ANK3: variants seen among roughly 807,000 people sequenced by gnomAD.
ANK3 encodes the protein ankyrin 3.
In ANK3, 57 loss-of-function variants were observed where a neutral mutation model predicts 370.9. The ratio of observed to expected loss-of-function variants is 0.15; its 90% CI spans 0.12 to 0.19. ANK3 has a LOEUF of 0.19. ANK3 is among the 10% of genes least tolerant of loss of function. The pLI, the probability that ANK3 is intolerant of heterozygous loss-of-function variation, is 1.00. For missense variants in ANK3, 4,439 were observed against 5,302.1 expected (o/e 0.84, Z 5.06); for synonymous variants, 1,929 against 1,946.3 (o/e 0.99, Z 0.23).
chr10:60,302,428 T>G, intron 1 of ANK3, among the ~76,000 whole-genome samples: 1 of 152,318 alleles, frequency 6.6e-6, no homozygotes, highest in East Asian at 1.9e-4. Context: ...CAGCTATTCA[T>G]TATTATAATA....
At chr10:60,538,919 A>AT (rs2076784986) in intron 2 of ANK3, among the ~76,000 whole-genome samples, 1 of 151,790 alleles carries the variant, frequency 6.6e-6, no homozygotes, top group African/African-American at 2.4e-5. Flanking sequence ...ATGCATTTCC[A>AT]TTTTTTTGTT....
At chr10:60,452,498 A>G (rs189474041) in intron 2 of ANK3, among the ~76,000 whole-genome samples, 1 of 152,324 alleles carries the variant, frequency 6.6e-6, no homozygotes, top group African/African-American at 2.4e-5. Flanking sequence ...ACTAAAGAGG[A>G]ACCTTAGAGA....
intron 1 of ANK3, among the ~76,000 whole-genome samples, chr10:60,312,710 A>T (rs1044691340): frequency 2.6e-5 from 4 of 152,166 alleles, no homozygotes; most frequent in African/African-American, 7.2e-5. Flanking sequence ...TATTAGGGTT[A>T]AAAAAAGCTA....
intron 2 of ANK3, among the ~76,000 whole-genome samples, chr10:60,483,984 A>G (rs139629128): frequency 4.6e-5 from 7 of 152,334 alleles, no homozygotes; most frequent in Non-Finnish European, 8.8e-5. Flanking sequence ...CAAAGTTAAG[A>G]TAAGGAGCCT....
At chr10:60,122,429 C>T (rs1421166567) in intron 25 of ANK3, among the ~76,000 whole-genome samples, 2 of 152,238 alleles carry the variant, frequency 1.3e-5, no homozygotes, top group East Asian at 1.9e-4. Flanking sequence ...AGCAGGCCCA[C>T]GTGGCTCAGA....
At chr10:60,191,156 C>T (rs1417497062) in intron 16 of ANK3, among the ~76,000 whole-genome samples, 1 of 152,106 alleles carries the variant, frequency 6.6e-6, no homozygotes, top group Admixed American at 6.5e-5. Context: ...AAGAAAAACT[C>T]TTTTGGGCAT....
chr10:60,469,227 A>G (rs374299234), intron 2 of ANK3, among the ~76,000 whole-genome samples: 1 of 46,986 alleles, frequency 2.1e-5, no homozygotes, highest in African/African-American at 8.8e-5. Flanking sequence ...TAGTGCATAT[A>G]TATATATATA....
Position 60,068,739 on chromosome 10 carries a change from A to C in ANK3, c.12142T>G (p.Ser4048Ala), listed in dbSNP as rs756773808. 1 of 1,614,094 alleles carries C rather than the reference A, an allele frequency of 6.2e-7. No individual in the cohort carries two copies. The highest frequency in any genetic ancestry group is 1.1e-5 in the South Asian group (1 of 91,074). The part of the protein sequence containing the change: ...LSETSRGGQP[S>A]VTTKSARDKK... ...TCTCTAGCAGACTTCGTTGTAACCG[A>C]AGGCTGGCCACCCCGGGAAGTCTCG... Residue 4048 changes from serine to alanine, a missense_variant, in exon 37 of 44, where the codon TCG (serine) becomes GCG (alanine). This residue lies in a region of ANK3 where 496 missense variants were observed against 529.3 expected (regional missense o/e 0.94). Coordinates refer to ENST00000280772, the MANE Select transcript of ANK3 (RefSeq NM_020987.5).
chr10:60,446,942 G>A (rs1337400832), intron 2 of ANK3, among the ~76,000 whole-genome samples: 2 of 152,168 alleles, frequency 1.3e-5, no homozygotes, highest in South Asian at 2.1e-4. Context: ...ATTACTCTGG[G>A]TCTTGTATGT....
Position 60,068,025 on chromosome 10 carries a change from T to A in ANK3, c.12245-16A>T, listed in dbSNP as rs982279544. ...CTCTGTGGACCTACGATTTACAATT[T>A]CTTAATTAAAATAATCATCAAGAAA... On this transcript the variant is annotated splice_polypyrimidine_tract_variant and intron_variant, in intron 37 of 43. Coordinates refer to ENST00000280772, the MANE Select transcript of ANK3 (RefSeq NM_020987.5). 6.2e-5 allele frequency: 99 copies of A among 1,592,846 alleles called. No homozygotes were observed. Among genetic ancestry groups the A allele is most frequent in the Non-Finnish European group, 8.3e-5 (96 of 1,163,624 alleles).
chr10:60,576,122 A>T (rs2077679758), intron 2 of ANK3, among the ~76,000 whole-genome samples: 1 of 152,198 alleles, frequency 6.6e-6, no homozygotes, highest in African/African-American at 2.4e-5. Context: ...GAAAAAACAT[A>T]AGCTGAATAC....
At chr10:60,226,564 C>CAT (rs2097162579) in intron 8 of ANK3, among the ~76,000 whole-genome samples, 1 of 25,854 alleles carries the variant, frequency 3.9e-5, no homozygotes, top group South Asian at 1.8e-3. Flanking sequence ...AGTATATATA[C>CAT]ATAGTATATG....
intron 2 of ANK3, among the ~76,000 whole-genome samples, chr10:60,544,484 C>A (rs1421041519): frequency 6.6e-6 from 1 of 152,038 alleles, no homozygotes; most frequent in East Asian, 1.9e-4. Flanking sequence ...TTCCATTTTT[C>A]CCCTATATTT....
At chr10:60,656,792 A>G (rs57063986) in intron 1 of ANK3, among the ~76,000 whole-genome samples, 6,515 of 151,660 alleles carry the variant, frequency 0.043, 179 homozygotes, top group Middle Eastern at 0.075. Flanking sequence ...GGTACCTCTC[A>G]TGTCGCCTTG....
In ANK3 at chr10:60,074,304, A is replaced by T; in HGVS notation, c.6577T>A (p.Ser2193Thr). 1 of 1,614,010 alleles carries T rather than the reference A, an allele frequency of 6.2e-7. No individual in the cohort carries two copies. Residue 2193 changes from serine to threonine, a missense_variant, in exon 37 of 44, where the codon TCA becomes ACA. Ser to Thr is a moderately conservative substitution (Grantham distance 58). Transcript: ENST00000280772. Reference sequence around the variant, plus strand: ...ATAAAAGTAGGTGAAGGTTTAGGTGACACAGGCTCCTCTGGTTGGGTCTGG... The same window carrying T: ...ATAAAAGTAGGTGAAGGTTTAGGTGTCACAGGCTCCTCTGGTTGGGTCTGG... ...VPQTQPEEPV[S>T]PKPSPTFMEL...
chr10:60,581,606 T>G (rs2077754772), intron 2 of ANK3, among the ~76,000 whole-genome samples: 1 of 151,632 alleles, frequency 6.6e-6, no homozygotes, highest in Non-Finnish European at 1.5e-5. Context: ...TATTTTTTTT[T>G]TTTTGTAGTT....
intron 42 of ANK3, among the ~76,000 whole-genome samples, chr10:60,054,975 AATCT>A (rs1241581511): frequency 1.3e-5 from 2 of 152,216 alleles, no homozygotes; most frequent in African/African-American, 4.8e-5. Context: ...CAAAGAAAAA[AATCT>A]ATTAGATTGT....
chr10:60,295,436 A>T (rs1357813938), intron 1 of ANK3, among the ~76,000 whole-genome samples: 1 of 152,252 alleles, frequency 6.6e-6, no homozygotes, highest in East Asian at 1.9e-4. Context: ...AATTAACATT[A>T]TCCTTTATTA....
intron 43 of ANK3, among the ~76,000 whole-genome samples, chr10:60,032,032 A>G (rs551246839): frequency 6.6e-6 from 1 of 152,078 alleles, no homozygotes; most frequent in African/African-American, 2.4e-5. Flanking sequence ...ACCTGTTTTT[A>G]TCATTTAATC....
Sources: gnomAD v4.1 joint callset for allele counts (sites outside exome capture counted in the v4.1 genomes callset) on GRCh38, gnomAD v4.1.1 for gene constraint, gnomAD v4.1.1 regional missense constraint, MANE v1.5 for transcripts, NCBI Gene and HGNC (gene_info 2026-07-23, HGNC 2026-07-21) for gene names.